The following ZNF804B variants were observed in gnomAD, a reference collection of about 807,000 sequenced individuals.
ZNF804B encodes the protein zinc finger 804B.
In ZNF804B, 80 loss-of-function variants were observed where a neutral mutation model predicts 101.4. The observed-to-expected ratio is 0.79, with a 90% CI of 0.66 to 0.95. ZNF804B has a LOEUF of 0.95. ZNF804B is among the 40% of genes least tolerant of loss of function. The pLI, the probability that ZNF804B is intolerant of heterozygous loss-of-function variation, is 0.00. For missense variants in ZNF804B, 1,673 were observed against 1,561.9 expected (o/e 1.07, Z -1.20); for synonymous variants, 622 against 558.8 (o/e 1.11, Z -1.59).
rs1788736773 is a variant in ZNF804B at position 89,207,767 on chromosome 7, A to G, written c.109-10388A>G. ...AAAAATAAATCAATCAATCAGTCAA[A>G]TGTATTCGTTCTTTCAGTCACTACA... On this transcript the variant is annotated intron_variant, in intron 1 of 3. Coordinates refer to ENST00000333190, the MANE Select transcript of ZNF804B (RefSeq NM_181646.5). Among the ~76,000 whole-genome samples, 6 of 152,214 alleles carry G rather than the reference A, an allele frequency of 3.9e-5. No individual in the cohort carries two copies. In the South Asian group the frequency reaches 1.2e-3, roughly 31 times the overall value.
intron 1 of ZNF804B, among the ~76,000 whole-genome samples, chr7:89,169,919 T>A (rs1791199733): frequency 6.6e-6 from 1 of 152,126 alleles, no homozygotes; most frequent in African/African-American, 2.4e-5. Context: ...TACAGAGAAA[T>A]AAGAAGCTAT....
intron 1 of ZNF804B, among the ~76,000 whole-genome samples, chr7:88,897,545 T>G (rs1229930470): frequency 1.3e-5 from 2 of 152,202 alleles, no homozygotes; most frequent in Non-Finnish European, 2.9e-5. Context: ...TGGTAATTTG[T>G]TACCCTACAA....
At position 89,335,654 on chromosome 7, in the gene ZNF804B, G is replaced by A. The variant is rs755031805; in HGVS notation, c.2672G>A (p.Cys891Tyr). ...CTGGGAAAAGTCAGGCCCATGAAGT[G>A]TAACTCCGGGAATATCAGCTGCCTT... ...CDLGKVRPMK[C>Y]NSGNISCLLK... The change falls in exon 4 of 4, where the codon TGT becomes TAT. Residue 891 changes from cysteine (C) to tyrosine (Y), a missense_variant. Transcript: ENST00000333190. The A allele has an allele frequency of 1.2e-6, 2 of 1,614,020 alleles. No homozygotes were observed. Among genetic ancestry groups the A allele is most frequent in the Non-Finnish European group, 1.7e-6 (2 of 1,179,970 alleles).
chr7:89,273,463 C>CT (rs1584096731), intron 2 of ZNF804B, among the ~76,000 whole-genome samples: 1 of 151,972 alleles, frequency 6.6e-6, no homozygotes, highest in Non-Finnish European at 1.5e-5. Flanking sequence ...GTTAAAATTA[C>CT]TTAAAGTGGT....
At chr7:88,771,808 A>C (rs1586895982) in intron 1 of ZNF804B, among the ~76,000 whole-genome samples, 1 of 152,254 alleles carries the variant, frequency 6.6e-6, no homozygotes, top group East Asian at 1.9e-4. Context: ...ACTGTTTTGC[A>C]AGTGGTTAGG....
At chr7:89,330,023 A>G (rs1324089544) in intron 3 of ZNF804B, among the ~76,000 whole-genome samples, 1 of 151,708 alleles carries the variant, frequency 6.6e-6, no homozygotes, top group Non-Finnish European at 1.5e-5. Context: ...TTTTTGGAGA[A>G]CAATTTGAAT....
intron 1 of ZNF804B, among the ~76,000 whole-genome samples, chr7:89,084,558 A>C (rs116179608): frequency 0.014 from 2,168 of 152,014 alleles, 59 homozygotes; most frequent in African/African-American, 0.05. Flanking sequence ...ACACCAGCAA[A>C]TCAGCTTATT....
At chr7:89,145,888 C>T (rs1022838499) in intron 1 of ZNF804B, among the ~76,000 whole-genome samples, 1 of 151,960 alleles carries the variant, frequency 6.6e-6, no homozygotes, top group African/African-American at 2.4e-5. Flanking sequence ...TATTTCTTAA[C>T]CTTTAAAGAC....
At chr7:89,262,913 C>A (rs966121674) in intron 2 of ZNF804B, among the ~76,000 whole-genome samples, 3 of 152,166 alleles carry the variant, frequency 2.0e-5, no homozygotes, top group African/African-American at 7.2e-5. Context: ...CTAACTCTTT[C>A]AACACCTGTA....
chr7:88,900,325 CATAT>C (rs2115951089), intron 1 of ZNF804B, among the ~76,000 whole-genome samples: 1 of 151,764 alleles, frequency 6.6e-6, no homozygotes, highest in African/African-American at 2.4e-5. Context: ...CCCTTAAAAA[CATAT>C]TTAAATGGAA....
rs944455958 is a variant in ZNF804B, at chr7:89,337,571, G to T, written c.*539G>T. Among the ~76,000 whole-genome samples, 8 of 151,990 alleles carry T rather than the reference G, an allele frequency of 5.3e-5. No individual in the cohort carries two copies. The highest frequency in any genetic ancestry group is 1.0e-4 in the Non-Finnish European group (7 of 67,964). On this transcript the variant is annotated 3_prime_UTR_variant, in exon 4 of 4. Transcript: ENST00000333190. ...AGGAAATAAGAACAAGACATTTTCT[G>T]ATTAATTTAGGTTGAAAATTACATT...
chr7:89,308,453 C>G (rs996486781), intron 2 of ZNF804B, among the ~76,000 whole-genome samples: 1 of 152,138 alleles, frequency 6.6e-6, no homozygotes, highest in Non-Finnish European at 1.5e-5. Flanking sequence ...AGTCAACATC[C>G]TAATAGGAAT....
intron 1 of ZNF804B, among the ~76,000 whole-genome samples, chr7:88,855,452 T>G (rs1211723379): frequency 8.6e-5 from 13 of 151,820 alleles, no homozygotes. Flanking sequence ...GATGGGGTTG[T>G]TTGTTTTTTT....
chr7:89,097,441 G>T (rs1313482893), intron 1 of ZNF804B, among the ~76,000 whole-genome samples: 2 of 152,194 alleles, frequency 1.3e-5, no homozygotes, highest in Non-Finnish European at 2.9e-5. Flanking sequence ...GATTCAAGGA[G>T]AAGTTTTGAG....
In ZNF804B at chr7:88,956,674, A is replaced by G. The variant is rs542089334; in HGVS notation, c.108+196590A>G. Among the ~76,000 whole-genome samples, 4 of 151,250 alleles carry G rather than the reference A, an allele frequency of 2.6e-5. No homozygotes were observed. In the South Asian group the frequency reaches 8.3e-4, roughly 31 times the overall value. ...CTACTTCTAACTGGGATAGTTTTTT[A>G]ATATGATGGACCAAGGAACACAGAA... On this transcript the variant is annotated intron_variant, in intron 1 of 3. Coordinates refer to ENST00000333190, the MANE Select transcript of ZNF804B (RefSeq NM_181646.5).
chr7:88,905,226 T>A (rs887761051), intron 1 of ZNF804B, among the ~76,000 whole-genome samples: 2 of 152,224 alleles, frequency 1.3e-5, no homozygotes, highest in African/African-American at 4.8e-5. Flanking sequence ...TTGCTTTTAA[T>A]CCTGTGTATG....
chr7:89,029,233 A>T (rs1351882151), intron 1 of ZNF804B, among the ~76,000 whole-genome samples: 1 of 152,082 alleles, frequency 6.6e-6, no homozygotes, highest in African/African-American at 2.4e-5. Flanking sequence ...CCTCCCGAGT[A>T]GCTGGGATTA....
At position 89,335,539 on chromosome 7, in the gene ZNF804B, A is replaced by G. The variant is rs747021468; in HGVS notation, c.2557A>G (p.Arg853Gly). ...PPNCQGTQHD[R>G]LDSYSIEKMY... ...TAATTGCCAGGGAACTCAGCACGAC[A>G]GATTGGACTCTTACTCAATAGAGAA... Residue 853 changes from arginine (R) to glycine (G), a missense_variant, in exon 4 of 4, where the codon AGA becomes GGA. Physicochemically the swap from Arg to Gly is moderately radical, Grantham distance 125 (BLOSUM62 -2). Coordinates refer to ENST00000333190, the MANE Select transcript of ZNF804B (RefSeq NM_181646.5). 16 of 1,613,850 alleles carry G rather than the reference A, an allele frequency of 9.9e-6. No homozygotes were observed. The South Asian group carries it at 1.6e-4, about 17-fold the overall frequency.
chr7:88,969,124 A>G (rs1793497046), intron 1 of ZNF804B, among the ~76,000 whole-genome samples: 1 of 151,576 alleles, frequency 6.6e-6, no homozygotes, highest in African/African-American at 2.4e-5. Context: ...TAACCTCATC[A>G]AAATAAAGCA....
Sources: gnomAD v4.1 joint callset for allele counts (sites outside exome capture counted in the v4.1 genomes callset) on GRCh38, gnomAD v4.1.1 for gene constraint, MANE v1.5 for transcripts, NCBI Gene and HGNC (gene_info 2026-07-23, HGNC 2026-07-21) for gene names.